MED30: variants seen among roughly 807,000 people sequenced by gnomAD.
The protein encoded by MED30 is mediator of RNA polymerase II transcription subunit 30.
Under a neutral mutation model 21.7 loss-of-function variants are expected in MED30, and 8 were observed. The ratio of observed to expected loss-of-function variants is 0.37; its 90% CI spans 0.22 to 0.67. MED30 has a LOEUF of 0.67. Among genes scored for constraint, MED30 ranks in the 30% least tolerant of loss-of-function variants. MED30 has a pLI of 0.58. For synonymous variants in MED30, 79 were observed against 86.7 expected (o/e 0.91, Z 0.49); for missense variants, 203 against 228.2 (o/e 0.89, Z 0.71).
At chr8:117,532,649 T>G (rs77255781) in intron 3 of MED30, among the ~76,000 whole-genome samples, 23,223 of 151,974 alleles carry the variant, frequency 0.15, 1,882 homozygotes, top group Non-Finnish European at 0.18. Context: ...TATTGGATAA[T>G]TTTTTAAGTA....
At chr8:117,533,113 A>G (rs555915254) in intron 3 of MED30, among the ~76,000 whole-genome samples, 1 of 152,086 alleles carries the variant, frequency 6.6e-6, no homozygotes, top group South Asian at 2.1e-4. Context: ...GGATTTTATA[A>G]TATTTTGTAA....
At position 117,520,993 on chromosome 8, in the gene MED30, G is replaced by A. The variant is rs768323561; in HGVS notation, c.117G>A (p.Glu39=). ...NTASLCRIGQ[E]TVQDIVYRTM... ...CGTCGCTGTGCCGCATCGGGCAGGA[G>A]ACAGTGCAGGACATCGTGTACCGCA... The change falls in exon 1 of 4, where the codon GAG becomes GAA. Residue 39 remains glutamate, a synonymous_variant. Coordinates refer to ENST00000297347, the MANE Select transcript of MED30 (RefSeq NM_080651.4). The A allele has an allele frequency of 2.5e-6, 4 of 1,611,642 alleles. No individual in the cohort carries two copies. The African/African-American group carries it at 5.4e-5, about 22-fold the overall frequency.
intron 1 of MED30, among the ~76,000 whole-genome samples, chr8:117,526,171 A>G (rs1818716997): frequency 6.6e-6 from 1 of 151,928 alleles, no homozygotes; most frequent in South Asian, 2.1e-4. Flanking sequence ...AAACAGAGCT[A>G]TTGCTTTCTC....
intron 3 of MED30, among the ~76,000 whole-genome samples, chr8:117,536,679 G>A (rs1818883314): frequency 6.6e-6 from 1 of 152,158 alleles, no homozygotes; most frequent in Non-Finnish European, 1.5e-5. Flanking sequence ...AGACAATATG[G>A]CTGGTTTTAA....
chr8:117,526,255 A>G (rs911606726), intron 1 of MED30, among the ~76,000 whole-genome samples: 2 of 151,914 alleles, frequency 1.3e-5, no homozygotes, highest in African/African-American at 4.8e-5. Context: ...ATAGATTATG[A>G]TGCTTTCTTT....
In MED30 at chr8:117,520,895, G is replaced by C. The variant is rs748665572; in HGVS notation, c.19G>C (p.Ala7Pro). The C allele has an allele frequency of 6.2e-7, 1 of 1,603,644 alleles. No homozygotes were observed. Among genetic ancestry groups the C allele is most frequent in the East Asian group, 2.3e-5 (1 of 44,442 alleles). The stretch of plus-strand genomic sequence containing the variant: ...CCGCGCCATGTCCACCCCTCCGTTG[G>C]CCGCGTCGGGGATGGCGCCCGGGCC... MSTPPL[A>P]ASGMAPGPFA... The change falls in exon 1 of 4, where the codon GCC (alanine) becomes CCC (proline). Residue 7 changes from alanine to proline, a missense_variant. By Grantham distance (27) the Ala-to-Pro change is conservative. Transcript: ENST00000297347.
intron 1 of MED30, among the ~76,000 whole-genome samples, chr8:117,522,060 T>C (rs1303496888): frequency 6.6e-6 from 1 of 152,236 alleles, no homozygotes; most frequent in Non-Finnish European, 1.5e-5. Context: ...TTGAGGGTTC[T>C]AGTTTCTCCT....
intron 3 of MED30, among the ~76,000 whole-genome samples, chr8:117,533,680 A>G (rs1478051475): frequency 2.0e-5 from 3 of 152,168 alleles, no homozygotes; most frequent in Non-Finnish European, 2.9e-5. Context: ...ACATCTCAGT[A>G]CTATTTTCCA....
rs746536662 is a variant in MED30 at position 117,520,826 on chromosome 8, C to A, written c.-51C>A. On this transcript the variant is annotated 5_prime_UTR_variant, in exon 1 of 4. Transcript: ENST00000297347. ...CCACAGCCTCCCAATTCCGGGCAGA[C>A]CCCTGACACCTGCTGTCTGGCCCCT... 4 of 1,499,952 alleles carry A rather than the reference C, an allele frequency of 2.7e-6. No individual in the cohort carries two copies. Among genetic ancestry groups the A allele is most frequent in the South Asian group, 1.3e-5 (1 of 79,430 alleles). The allele number at this position is 1,499,952 out of a possible 1,614,324, so 92.9% of individuals were successfully genotyped here.
intron 3 of MED30, among the ~76,000 whole-genome samples, chr8:117,534,940 C>T (rs1818851226): frequency 1.5e-5 from 2 of 134,664 alleles, no homozygotes; most frequent in African/African-American, 5.6e-5. Context: ...TATTCTGTTA[C>T]TAGAATAATC....
At chr8:117,531,693 G>GT (rs988583995) in intron 3 of MED30, among the ~76,000 whole-genome samples, 28 of 148,454 alleles carry the variant, frequency 1.9e-4, no homozygotes, top group South Asian at 6.4e-4. Flanking sequence ...AAGACAGTGT[G>GT]TTTTTTTTTT....
chr8:117,535,286 C>A (rs1048704191), intron 3 of MED30, among the ~76,000 whole-genome samples: 1 of 148,018 alleles, frequency 6.8e-6, no homozygotes, highest in African/African-American at 2.5e-5. Context: ...TCTCTGTCAC[C>A]CAGGCTGGAG....
chr8:117,535,038 A>G (rs888622339), intron 3 of MED30, among the ~76,000 whole-genome samples: 1 of 151,944 alleles, frequency 6.6e-6, no homozygotes, highest in African/African-American at 2.4e-5. Flanking sequence ...GATGTATAAA[A>G]GGACTTTCTC....
intron 1 of MED30, among the ~76,000 whole-genome samples, chr8:117,524,658 AG>A (rs148680823): frequency 0.017 from 2,652 of 152,314 alleles, 81 homozygotes; most frequent in African/African-American, 0.06. Context: ...AAAAAAGGAC[AG>A]TGCAGTGAAC....
intron 1 of MED30, among the ~76,000 whole-genome samples, chr8:117,522,638 T>C (rs1445291165): frequency 3.3e-5 from 5 of 150,686 alleles, no homozygotes; most frequent in African/African-American, 4.9e-5. Flanking sequence ...TTTATTGCTT[T>C]TTTTTTTTTT....
At chr8:117,522,301 A>C (rs1156653141) in intron 1 of MED30, among the ~76,000 whole-genome samples, 2 of 152,170 alleles carry the variant, frequency 1.3e-5, no homozygotes, top group South Asian at 2.1e-4. Context: ...GAAGTTTTGT[A>C]CTTTCAAGCT....
intron 2 of MED30, 60 bp downstream of exon 2, chr8:117,528,869 G>A (rs1818758774): frequency 1.5e-6 from 2 of 1,299,580 alleles, no homozygotes; most frequent in Admixed American, 2.7e-5. Flanking sequence ...CAAGACAGTT[G>A]TTAATCTTTT....
intron 1 of MED30, chr8:117,524,179 A>G (rs1269759105): frequency 6.6e-6 from 1 of 152,632 alleles, no homozygotes; most frequent in Non-Finnish European, 1.5e-5. Context: ...GGGGCCTATC[A>G]TAATTGGCTG....
chr8:117,520,761 G>GC lies in MED30; in HGVS notation c.-114dup. On this transcript the variant is annotated 5_prime_UTR_variant, in exon 1 of 4. Transcript: ENST00000297347. ...GTCGCGGCCGCTGTTTTGAAATCGG[G>GC]CCGCGGGGGGTCTCTCAAGCTGGTT... 1 of 1,089,214 alleles carries GC rather than the reference G, an allele frequency of 9.2e-7. No homozygotes were observed. Among genetic ancestry groups the GC allele is most frequent in the Non-Finnish European group, 1.3e-6 (1 of 792,420 alleles). 67.5% of individuals were successfully genotyped at this position (1,089,214 alleles called of 1,614,324 possible). A position where few individuals can be genotyped will look rare whatever the true frequency, so the allele number is the denominator to read the frequency against.
Sources: allele counts gnomAD v4.1 joint callset (sites outside exome capture counted in the v4.1 genomes callset), GRCh38; gene constraint gnomAD v4.1.1; transcripts MANE v1.5; gene names NCBI Gene and HGNC (gene_info 2026-07-23, HGNC 2026-07-21).